The following NFS1 variants were observed in gnomAD, a reference collection of about 807,000 sequenced individuals.
The protein encoded by NFS1 is cysteine desulfurase.
NFS1 carries 26 observed loss-of-function variants against 57.3 expected under a neutral mutation model. The observed-to-expected ratio is 0.45, with a 90% confidence interval of 0.33 to 0.63. The LOEUF (loss-of-function observed/expected upper bound fraction) is 0.63, where lower values mean the gene tolerates loss of function less well. Among genes scored for constraint, NFS1 ranks in the 20% least tolerant of loss-of-function variants. The pLI, the probability that NFS1 is intolerant of heterozygous loss-of-function variation, is 0.02. For synonymous variants in NFS1, 209 were observed against 216.3 expected (o/e 0.97, Z 0.30); for missense variants, 505 against 605.8 (o/e 0.83, Z 1.75).
Position 35,690,525 on chromosome 20 carries a change from A to T in NFS1, c.449T>A (p.Ile150Asn). 1.2e-6 allele frequency: 2 copies of T among 1,614,096 alleles called. No homozygotes were observed. Among genetic ancestry groups the T allele is most frequent in the Non-Finnish European group, 1.7e-6 (2 of 1,180,014 alleles). Residue 150 changes from isoleucine (I) to asparagine (N), a missense_variant, in exon 5 of 13, where the codon ATC becomes AAC. Ile to Asn is a moderately radical substitution (Grantham distance 149). Coordinates refer to ENST00000374092, the MANE Select transcript of NFS1 (RefSeq NM_021100.5). Reference protein sequence around the residue: ...RFYRSRKKHLITTQTEHKCVL... With the variant: ...RFYRSRKKHLNTTQTEHKCVL... ...ACATTTGTGTTCTGTCTGGGTGGTG[A>T]TCAAGTGCTTTTTCCGTGACCTGTA...
rs966590276 is a variant in NFS1, at chr20:35,699,235, T to C, written c.54A>G (p.Pro18=). The change falls in exon 1 of 13, where the codon CCA becomes CCG. Residue 18 remains proline, a synonymous_variant. Coordinates refer to ENST00000374092, the MANE Select transcript of NFS1 (RefSeq NM_021100.5). This position sits in a 1 kb window ranked among gnomAD's most constrained non-coding sequence, Gnocchi z 4.4. ...GAGTGGGCGCCGCGGGCTTCGGCCC[T>C]GGAGCCGCTGTCACCGCCACTGCCG... The part of the protein sequence containing the change: ...RRAAVAVTAA[P]GPKPAAPTRG... 8.1e-5 allele frequency: 116 copies of C among 1,432,004 alleles called. No individual in the cohort carries two copies. Among genetic ancestry groups the C allele is most frequent in the African/African-American group, 5.7e-4 (38 of 66,578 alleles). 88.7% of individuals were successfully genotyped at this position (1,432,004 alleles called of 1,614,324 possible). A position where few individuals can be genotyped will look rare whatever the true frequency, so the allele number is the denominator to read the frequency against.
intron 1 of NFS1, chr20:35,698,836 G>A: frequency 7.3e-7 from 1 of 1,361,228 alleles, no homozygotes; most frequent in Admixed American, 3.6e-5. Flanking sequence ...TAGGAAGGAA[G>A]GCTCTAAAGG....
At chr20:35,678,272 G>A (rs918095913) in intron 7 of NFS1, among the ~76,000 whole-genome samples, 7 of 151,754 alleles carry the variant, frequency 4.6e-5, no homozygotes, top group South Asian at 2.1e-4. Context: ...GGAGAATGTC[G>A]TGAACCCTGG....
chr20:35,690,922 T>C (rs143657417), intron 4 of NFS1, among the ~76,000 whole-genome samples: 5 of 152,280 alleles, frequency 3.3e-5, no homozygotes, highest in East Asian at 1.9e-4. Context: ...ACCCATAGAA[T>C]GTACAACACC....
chr20:35,698,871 G>C (rs2035191601), intron 1 of NFS1: 1 of 1,344,568 alleles, frequency 7.4e-7, no homozygotes. Flanking sequence ...AAGGAACGTG[G>C]AGCCAGAGTA....
Position 35,668,393 on chromosome 20 carries a change from C to T in NFS1, c.*1229G>A, listed in dbSNP as rs542078749. The T allele has an allele frequency of 6.6e-6, 1 of 152,214 alleles. No individual in the cohort carries two copies. The highest frequency in any genetic ancestry group is 1.5e-5 in the Non-Finnish European group (1 of 68,026). 9.4% of individuals were successfully genotyped at this position (152,214 alleles called of 1,614,324 possible). Reference sequence around the variant, plus strand: ...TTCTTAAAATATGCATAAATGTACTCTAACATACTATCTCCTTTTTTAAGT... The same window carrying T: ...TTCTTAAAATATGCATAAATGTACTTTAACATACTATCTCCTTTTTTAAGT... On this transcript the variant is annotated 3_prime_UTR_variant, in exon 13 of 13. Transcript: ENST00000374092.
At chr20:35,697,009 G>A (rs1006488404) in intron 3 of NFS1, among the ~76,000 whole-genome samples, 9 of 152,236 alleles carry the variant, frequency 5.9e-5, no homozygotes, top group African/African-American at 2.2e-4. Context: ...GGGAGGCTGA[G>A]GTAGGAGAAC....
chr20:35,691,273 T>A (rs2035035049), intron 4 of NFS1, among the ~76,000 whole-genome samples: 1 of 152,162 alleles, frequency 6.6e-6, no homozygotes, highest in Non-Finnish European at 1.5e-5. Context: ...ATTTAACCAA[T>A]ATTTAGCACC....
intron 3 of NFS1, 30 bp from the exon 4 acceptor site, chr20:35,696,490 A>G: frequency 1.9e-6 from 3 of 1,559,146 alleles, no homozygotes. Context: ...GATATATAAC[A>G]TCAGTTCCCC....
At position 35,674,151 on chromosome 20, in the gene NFS1, AG is replaced by A. The variant is rs2034700776; in HGVS notation, c.1136+198del. 4 of 578,150 alleles carry A rather than the reference AG, an allele frequency of 6.9e-6. No individual in the cohort carries two copies. In the Admixed American group the frequency reaches 9.0e-5, roughly 13 times the overall value. 35.8% of individuals were successfully genotyped at this position (578,150 alleles called of 1,614,324 possible). On this transcript the variant is annotated intron_variant, in intron 10 of 12. Coordinates refer to ENST00000374092, the MANE Select transcript of NFS1 (RefSeq NM_021100.5). ...GATAAAAGGCACAAAATTCTACCCC[AG>A]GAAGTCTTCCTAGGGTGGTAAACTT...
intron 5 of NFS1, among the ~76,000 whole-genome samples, chr20:35,689,972 G>A (rs537626589): frequency 2.6e-4 from 39 of 149,744 alleles, no homozygotes; most frequent in Non-Finnish European, 2.7e-4. Context: ...GGTGGCATGC[G>A]TCTGTAATCC....
At position 35,698,495 on chromosome 20, in the gene NFS1, C is replaced by T. The variant is rs1404445182; in HGVS notation, c.193G>A (p.Ala65Thr). ...TTCATCCTTACCAGAGGAGTTGTAGCTTGCACATCCATATAGAGAGGTCGC... is the reference window on the plus strand; with the variant it reads ...TTCATCCTTACCAGAGGAGTTGTAGTTTGCACATCCATATAGAGAGGTCGC... The part of the protein sequence containing the change: ...VLRPLYMDVQ[A>T]TTPLDPRVLD... Residue 65 changes from alanine (A) to threonine (T), a missense_variant, in exon 2 of 13, where the codon GCT becomes ACT. Transcript: ENST00000374092. 6.2e-7 allele frequency: 1 copy of T among 1,611,110 alleles called. No homozygotes were observed. Among genetic ancestry groups the T allele is most frequent in the East Asian group, 2.2e-5 (1 of 44,778 alleles).
chr20:35,692,374 AAAAT>A (rs761138029), intron 4 of NFS1: 25 of 203,082 alleles, frequency 1.2e-4, no homozygotes, highest in African/African-American at 2.5e-4. Context: ...ACTCCATCTC[AAAAT>A]AAATAAATAA....
intron 5 of NFS1, among the ~76,000 whole-genome samples, chr20:35,685,551 A>G (rs2034924002): frequency 7.1e-6 from 1 of 141,266 alleles, no homozygotes; most frequent in South Asian, 2.2e-4. Context: ...TATATATATA[A>G]AATATTTTAT....
In NFS1 at chr20:35,685,240, T is replaced by C. The variant is rs549178601; in HGVS notation, c.562-3259A>G. Reference sequence around the variant, plus strand: ...AAAGAAAAAAATTAGCTGGGCATCATAGCCTGCGCCTATAGTTCCAGCTAC... The same window carrying C: ...AAAGAAAAAAATTAGCTGGGCATCACAGCCTGCGCCTATAGTTCCAGCTAC... On this transcript the variant is annotated intron_variant, in intron 5 of 12. Transcript: ENST00000374092. Among the ~76,000 whole-genome samples, 21 of 151,856 alleles carry C rather than the reference T, an allele frequency of 1.4e-4. No individual in the cohort carries two copies. The South Asian group carries it at 4.1e-3, about 30-fold the overall frequency.
intron 7 of NFS1, among the ~76,000 whole-genome samples, chr20:35,679,382 C>A (rs2034810200): frequency 6.6e-6 from 1 of 152,054 alleles, no homozygotes; most frequent in Admixed American, 6.6e-5. Flanking sequence ...CGGGGGTTCA[C>A]CATGTTGATC....
Position 35,699,014 on chromosome 20 carries a change from G to A in NFS1, c.97+178C>T. The A allele has an allele frequency of 9.0e-6, 12 of 1,326,730 alleles. No homozygotes were observed. Among genetic ancestry groups the A allele is most frequent in the Non-Finnish European group, 1.2e-5 (12 of 1,042,078 alleles). 82.2% of individuals were successfully genotyped at this position (1,326,730 alleles called of 1,614,324 possible). ...CCTGTCGCGCAGGGTGCGAGGGGTG[G>A]TGCGCCGGGGTCAACCGTTCGGGGA... On this transcript the variant is annotated intron_variant, in intron 1 of 12. Transcript: ENST00000374092. The surrounding 1 kb of genome is among the most constrained non-coding windows in gnomAD (Gnocchi z 4.4).
rs571603820 is a variant in NFS1 at position 35,668,709 on chromosome 20, ATTTG to A, written c.*909_*912del. ...CTTATCACAATCTATAACATTGTTT[ATTTG>A]TTTAATTATTTTCCATCTCTCCACT... On this transcript the variant is annotated 3_prime_UTR_variant, in exon 13 of 13. Transcript: ENST00000374092. 93 of 152,294 alleles carry A rather than the reference ATTTG, an allele frequency of 6.1e-4. No individual in the cohort carries two copies. The highest frequency in any genetic ancestry group is 1.5e-3 in the African/African-American group (63 of 41,560). 9.4% of individuals were successfully genotyped at this position (152,294 alleles called of 1,614,324 possible). A position where few individuals can be genotyped will look rare whatever the true frequency, so the allele number is the denominator to read the frequency against.
chr20:35,696,828 C>T (rs1459358833), intron 3 of NFS1, among the ~76,000 whole-genome samples: 1 of 152,044 alleles, frequency 6.6e-6, no homozygotes, highest in African/African-American at 2.4e-5. Flanking sequence ...AATATTAGGC[C>T]GGGCATGGTG....
Sources: allele counts gnomAD v4.1 joint callset (sites outside exome capture counted in the v4.1 genomes callset), GRCh38; gene constraint gnomAD v4.1.1; non-coding constraint Gnocchi (gnomAD v3.1); transcripts MANE v1.5; gene names NCBI Gene and HGNC (gene_info 2026-07-23, HGNC 2026-07-21).